Variants in VPS13D observed in about 807,000 individuals in gnomAD.
VPS13D encodes the protein vacuolar protein sorting 13 homolog D, also known as intermembrane lipid transfer protein VPS13D.
A neutral mutation model predicts 461.9 loss-of-function variants in VPS13D; 187 were observed. The ratio of observed to expected loss-of-function variants is 0.40; its 90% CI spans 0.36 to 0.46. The LOEUF (loss-of-function observed/expected upper bound fraction) is 0.46. Ranked by LOEUF, VPS13D falls within the 20% of genes least tolerant of loss-of-function variation. VPS13D has a pLI of 0.60. For synonymous variants in VPS13D, 1,951 were observed against 1,986.3 expected (o/e 0.98, Z 0.47); for missense variants, 4,711 against 5,364.9 (o/e 0.88, Z 3.81).
At chr1:12,410,123 A>G (rs1644704506) in intron 63 of VPS13D, among the ~76,000 whole-genome samples, 2 of 152,242 alleles carry the variant, frequency 1.3e-5, no homozygotes, top group African/African-American at 4.8e-5. Context: ...GACAGGCAGA[A>G]AACAAACCCC....
In VPS13D at chr1:12,502,559, G is replaced by C. The variant is rs1451001073; in HGVS notation, c.12795-4294G>C. Among the ~76,000 whole-genome samples, 2 of 151,578 alleles carry C rather than the reference G, an allele frequency of 1.3e-5. No individual in the cohort carries two copies. The highest frequency in any genetic ancestry group is 2.9e-5 in the Non-Finnish European group (2 of 67,962). ...GTAACGCCTAGGGGTAGAGGAGCCT[G>C]TTCCAGGAGCTCTGAGTCAGGCTTC... is the stretch of plus-strand genomic sequence containing the variant. On this transcript the variant is annotated intron_variant, in intron 68 of 69. Transcript: ENST00000620676. The surrounding 1 kb of genome is among the most constrained non-coding windows in gnomAD (Gnocchi z 4.3).
At chr1:12,368,340 G>A in intron 52 of VPS13D, 128 bp from the exon 53 acceptor site, 3 of 1,071,336 alleles carry the variant, frequency 2.8e-6, no homozygotes, top group South Asian at 2.1e-5. Flanking sequence ...AACACACAGT[G>A]GGCTGTAAGT....
chr1:12,476,288 G>A (rs1185857149), intron 67 of VPS13D, among the ~76,000 whole-genome samples: 3 of 152,216 alleles, frequency 2.0e-5, no homozygotes, highest in Non-Finnish European at 2.9e-5. Flanking sequence ...GGAAGCAGGG[G>A]CATTGAGTTT....
Position 12,311,455 on chromosome 1 carries a change from G to T in VPS13D, c.6652G>T (p.Glu2218Ter), listed in dbSNP as rs1398282007. ...KLQVERNLDK[E>*]ISHTVPDISI... ...AGTGATCTTTTTTCTTTTTCATAGA[G>T]AAATAAGTCATACTGTGCCAGACAT... Residue 2218 changes from glutamate (E) to a stop codon, truncating the protein, a stop_gained and splice_region_variant, in exon 28 of 70, where the codon GAA becomes TAA. Transcript: ENST00000620676. LOFTEE classifies it high-confidence loss of function. 2 of 1,602,230 alleles carry T rather than the reference G, an allele frequency of 1.2e-6. No homozygotes were observed. Among genetic ancestry groups the T allele is most frequent in the African/African-American group, 2.7e-5 (2 of 74,224 alleles).
At chr1:12,475,898 A>C (rs1277406836) in intron 67 of VPS13D, among the ~76,000 whole-genome samples, 3 of 152,144 alleles carry the variant, frequency 2.0e-5, no homozygotes, top group African/African-American at 7.2e-5. Context: ...TAAAAAAAAA[A>C]AAACAAAAAA....
chr1:12,304,532 G>T lies in VPS13D; in HGVS notation c.6243G>T (p.Thr2081=). The change falls in exon 26 of 70, where the codon ACG becomes ACT. Residue 2081 remains threonine (T), a synonymous_variant. Transcript: ENST00000620676. ...AATCTGTGCCTTCAGCTTCCCCAAC[G>T]GGTATTCCCAAACACAGTCTGAGGA... ...DKESVPSASP[T]GIPKHSLRKT... 1.2e-6 allele frequency: 2 copies of T among 1,613,810 alleles called. No homozygotes were observed. The highest frequency in any genetic ancestry group is 1.7e-6 in the Non-Finnish European group (2 of 1,179,912).
At chr1:12,475,269 A>T (rs1217479318) in intron 67 of VPS13D, among the ~76,000 whole-genome samples, 1 of 152,176 alleles carries the variant, frequency 6.6e-6, no homozygotes, top group Non-Finnish European at 1.5e-5. Context: ...CCTTGTGCAG[A>T]CAGCTTTATA....
At chr1:12,438,845 T>C (rs1645094146) in intron 65 of VPS13D, among the ~76,000 whole-genome samples, 1 of 152,244 alleles carries the variant, frequency 6.6e-6, no homozygotes, top group Admixed American at 6.5e-5. Context: ...AGCCACTTCA[T>C]AGCTTTTTGG....
intron 20 of VPS13D, among the ~76,000 whole-genome samples, chr1:12,280,933 ATAATT>A (rs144658018): frequency 0.029 from 4,397 of 152,176 alleles, 113 homozygotes; most frequent in African/African-American, 0.063. Context: ...AATTAATTTA[ATAATT>A]TAATTTTTTA....
chr1:12,422,951 C>T (rs1644881620), intron 65 of VPS13D, among the ~76,000 whole-genome samples: 1 of 151,876 alleles, frequency 6.6e-6, no homozygotes, highest in Non-Finnish European at 1.5e-5. Flanking sequence ...GCTGACTTCC[C>T]ACCAGAAGCC....
At chr1:12,233,734 G>A (rs1325265711) in intron 1 of VPS13D, among the ~76,000 whole-genome samples, 22 of 152,158 alleles carry the variant, frequency 1.4e-4, no homozygotes, top group Admixed American at 1.4e-3. Context: ...ACATCTTACA[G>A]AGCTTCTTGC....
intron 10 of VPS13D, among the ~76,000 whole-genome samples, chr1:12,259,816 G>A (rs1195291499): frequency 3.3e-5 from 5 of 152,020 alleles, no homozygotes; most frequent in East Asian, 1.9e-4. Flanking sequence ...AAATGACCAC[G>A]TTCTTGCTAA....
In VPS13D at chr1:12,362,964, G is replaced by A. The variant is rs939655528; in HGVS notation, c.10273-108G>A. ...TGCAAGTAACTGCTCTGTGCCTTTG[G>A]TACCCAGATAGCTCCTGTTAGAGGG... On this transcript the variant is annotated intron_variant, in intron 51 of 69. Transcript: ENST00000620676. 7.0e-6 allele frequency: 11 copies of A among 1,579,890 alleles called. No homozygotes were observed. In the African/African-American group the frequency reaches 1.2e-4, roughly 17 times the overall value.
intron 68 of VPS13D, among the ~76,000 whole-genome samples, chr1:12,501,344 G>A (rs1218014003): frequency 6.6e-6 from 1 of 152,092 alleles, no homozygotes; most frequent in African/African-American, 2.4e-5. Flanking sequence ...GAATTTATTA[G>A]CTTCCATTTC....
chr1:12,441,849 CAG>C (rs1645135527), intron 65 of VPS13D, among the ~76,000 whole-genome samples: 1 of 152,278 alleles, frequency 6.6e-6, no homozygotes, highest in South Asian at 2.1e-4. Flanking sequence ...ATTACTTGAT[CAG>C]AGAGTATTTT....
chr1:12,451,674 G>T (rs1404850544), intron 65 of VPS13D, among the ~76,000 whole-genome samples: 1 of 152,224 alleles, frequency 6.6e-6, no homozygotes, highest in African/African-American at 2.4e-5. Flanking sequence ...CGCTTTCCCA[G>T]TTTAGAAGCC....
intron 13 of VPS13D, among the ~76,000 whole-genome samples, chr1:12,262,908 TG>T (rs558185525): frequency 8.1e-4 from 124 of 152,164 alleles, no homozygotes; most frequent in African/African-American, 2.8e-3. Flanking sequence ...ATCGCTACGT[TG>T]GCCAGGCTGG....
At chr1:12,429,026 A>G (rs1644960376) in intron 65 of VPS13D, among the ~76,000 whole-genome samples, 1 of 152,190 alleles carries the variant, frequency 6.6e-6, no homozygotes, top group South Asian at 2.1e-4. Context: ...GGCTGGAGAC[A>G]AAAGATGGAA....
At chr1:12,377,329 G>A (rs1371193804) in intron 55 of VPS13D, among the ~76,000 whole-genome samples, 2 of 151,514 alleles carry the variant, frequency 1.3e-5, no homozygotes, top group Admixed American at 6.6e-5. Context: ...CAAAGTGCTT[G>A]GATTACAGGC....
Sources: gnomAD v4.1 joint callset for allele counts (sites outside exome capture counted in the v4.1 genomes callset) on GRCh38, gnomAD v4.1.1 for gene constraint, Gnocchi (gnomAD v3.1) non-coding constraint, MANE v1.5 for transcripts, NCBI Gene and HGNC (gene_info 2026-07-23, HGNC 2026-07-21) for gene names.